The following SFT2D1 variants were observed in gnomAD, a reference collection of about 807,000 sequenced individuals.
SFT2D1 encodes vesicle transport protein SFT2A.
Under a neutral mutation model 28.1 loss-of-function variants are expected in SFT2D1, and 24 were observed. The observed-to-expected ratio is 0.85, with a 90% confidence interval of 0.62 to 1.20. SFT2D1 has a LOEUF of 1.20. Ranked by LOEUF, SFT2D1 falls within the 50% of genes most tolerant of loss-of-function variation. SFT2D1 has a pLI of 0.00. For synonymous variants in SFT2D1, 82 were observed against 73.7 expected, an observed-to-expected ratio of 1.11 and a Z score of -0.58; for missense variants, 181 against 190.9, an observed-to-expected ratio of 0.95 and a Z score of 0.31.
intron 1 of SFT2D1, 128 bp downstream of exon 1, chr6:166,342,291 A>ATTT: frequency 1.3e-6 from 1 of 783,432 alleles, no homozygotes; most frequent in South Asian, 2.1e-5. Context: ...AGCCCTCCTA[A>ATTT]ATCAACCAGC....
intron 6 of SFT2D1, chr6:166,323,669 A>C (rs1778395305): frequency 6.6e-6 from 1 of 152,288 alleles, no homozygotes; most frequent in Admixed American, 6.5e-5. Context: ...CCAGGACATG[A>C]CTGAATCTTC....
At chr6:166,330,370 T>C in intron 1 of SFT2D1, 123 bp from the exon 2 acceptor site, 1 of 666,732 alleles carries the variant, frequency 1.5e-6, no homozygotes. Context: ...TATCACAGTG[T>C]CATTCAAGAA....
At position 166,322,830 on chromosome 6, in the gene SFT2D1, A is replaced by C. The variant is rs376237247; in HGVS notation, c.440+27T>G. 1.1e-4 allele frequency: 170 copies of C among 1,593,380 alleles called. 2 individuals carry two copies. The African/African-American group carries it at 2.0e-3, about 19-fold the overall frequency. On this transcript the variant is annotated intron_variant, in intron 7 of 7. Coordinates refer to ENST00000361731, the MANE Select transcript of SFT2D1 (RefSeq NM_145169.3). ...GTGTGAAGATAAGTAAAGAACCAGAAAGAAGACAAGATTCAAACAAGCTTA... is the reference window on the plus strand; with the variant it reads ...GTGTGAAGATAAGTAAAGAACCAGACAGAAGACAAGATTCAAACAAGCTTA...
At chr6:166,321,265 G>C (rs138840473) in intron 7 of SFT2D1, among the ~76,000 whole-genome samples, 1 of 152,038 alleles carries the variant, frequency 6.6e-6, no homozygotes, top group South Asian at 2.1e-4. Flanking sequence ...TTTTACCTAG[G>C]CCATAAAAAA....
intron 1 of SFT2D1, among the ~76,000 whole-genome samples, chr6:166,332,372 A>C (rs1299708777): frequency 1.3e-5 from 2 of 152,120 alleles, no homozygotes; most frequent in Non-Finnish European, 2.9e-5. Context: ...CTCCTACCTC[A>C]GTCTCCCAAT....
At chr6:166,330,048 C>T in intron 2 of SFT2D1, 113 bp downstream of exon 2, 2 of 705,800 alleles carry the variant, frequency 2.8e-6, no homozygotes, top group Non-Finnish European at 2.2e-6. Context: ...AAATACCTTC[C>T]ACCAAAATGG....
At chr6:166,326,840 A>T (rs930924276) in intron 4 of SFT2D1, among the ~76,000 whole-genome samples, 2 of 152,232 alleles carry the variant, frequency 1.3e-5, no homozygotes, top group Admixed American at 1.3e-4. Context: ...GTTACTAAAA[A>T]GTTTGAGGGG....
chr6:166,338,837 C>A (rs1778714884), intron 1 of SFT2D1, among the ~76,000 whole-genome samples: 1 of 152,156 alleles, frequency 6.6e-6, no homozygotes, highest in Non-Finnish European at 1.5e-5. Context: ...TCCTTGACTT[C>A]TTCCCAGGCA....
At chr6:166,338,502 C>T (rs560935657) in intron 1 of SFT2D1, among the ~76,000 whole-genome samples, 5 of 152,090 alleles carry the variant, frequency 3.3e-5, no homozygotes, top group Non-Finnish European at 7.4e-5. Flanking sequence ...CAGGAAGAGC[C>T]TCTCTAAAGA....
rs1199995394 is a variant in SFT2D1, at chr6:166,324,564, C to T, written c.383G>A (p.Cys128Tyr). Reference protein sequence around the residue: ...WHKKGLAVLFCILQFLSMTWY... With the variant: ...WHKKGLAVLFYILQFLSMTWY... ...GGTCATTGACAAGAACTGCAATATG[C>T]AGAATAACACAGCCAGTCCCTTCTT... Residue 128 changes from cysteine (C) to tyrosine (Y), a missense_variant, in exon 6 of 8, where the codon TGC (cysteine) becomes TAC (tyrosine). Physicochemically the swap from Cys to Tyr is radical, Grantham distance 194. Coordinates refer to ENST00000361731, the MANE Select transcript of SFT2D1 (RefSeq NM_145169.3). 1 of 1,612,740 alleles carries T rather than the reference C, an allele frequency of 6.2e-7. No homozygotes were observed. The highest frequency in any genetic ancestry group is 1.7e-5 in the Admixed American group (1 of 59,328).
intron 6 of SFT2D1, 77 bp downstream of exon 6, chr6:166,324,460 G>T: frequency 2.1e-6 from 3 of 1,407,948 alleles, no homozygotes; most frequent in South Asian, 2.5e-5. Context: ...AAATGCTAGG[G>T]CTTCACAGGT....
intron 5 of SFT2D1, among the ~76,000 whole-genome samples, chr6:166,325,688 G>A (rs1258418560): frequency 1.3e-5 from 2 of 152,250 alleles, no homozygotes; most frequent in Non-Finnish European, 2.9e-5. Context: ...ACCACACCGG[G>A]CACTGTCAGA....
intron 1 of SFT2D1, 38 bp downstream of exon 1, chr6:166,342,381 G>A (rs1202738182): frequency 2.4e-5 from 36 of 1,530,988 alleles, no homozygotes; most frequent in Non-Finnish European, 3.2e-5. Context: ...GGGGCCAGCG[G>A]GCAGCCCCGG....
intron 6 of SFT2D1, chr6:166,323,341 G>A (rs894099617): frequency 6.5e-6 from 1 of 153,358 alleles, no homozygotes; most frequent in African/African-American, 2.4e-5. Context: ...ATTTTATGGT[G>A]AATTTGAGAT....
chr6:166,332,869 G>A (rs1266053458), intron 1 of SFT2D1, among the ~76,000 whole-genome samples: 1 of 152,216 alleles, frequency 6.6e-6, no homozygotes, highest in Non-Finnish European at 1.5e-5. Flanking sequence ...AGAGGAAAAT[G>A]TAGTCCTAGC....
intron 7 of SFT2D1, among the ~76,000 whole-genome samples, chr6:166,322,130 A>G (rs564356132): frequency 5.3e-5 from 8 of 152,150 alleles, no homozygotes; most frequent in African/African-American, 1.7e-4. Context: ...TGATCTGCCC[A>G]CCTTGGCCTC....
chr6:166,338,503 T>C (rs1422542855), intron 1 of SFT2D1, among the ~76,000 whole-genome samples: 1 of 152,074 alleles, frequency 6.6e-6, no homozygotes, highest in East Asian at 1.9e-4. Context: ...AGGAAGAGCC[T>C]CTCTAAAGAG....
chr6:166,325,851 T>C lies in SFT2D1; in HGVS notation c.351+281A>G, dbSNP rs1778435358. On this transcript the variant is annotated intron_variant, in intron 5 of 7. Transcript: ENST00000361731. ...CATGTGTGTTTACTGACTACCTCTA[T>C]GCTGCAGACAGTAGAATCTATGGCA... The C allele has an allele frequency of 5.9e-6, 3 of 511,432 alleles. No homozygotes were observed. The East Asian group carries it at 1.0e-4, about 18-fold the overall frequency. 31.7% of individuals were successfully genotyped at this position (511,432 alleles called of 1,614,324 possible).
At chr6:166,332,008 G>C (rs976993770) in intron 1 of SFT2D1, among the ~76,000 whole-genome samples, 2 of 152,090 alleles carry the variant, frequency 1.3e-5, no homozygotes, top group African/African-American at 4.8e-5. Flanking sequence ...ATAATAGTAG[G>C]TATTTTTTCC....
Sources: allele counts gnomAD v4.1 joint callset (sites outside exome capture counted in the v4.1 genomes callset), GRCh38; gene constraint gnomAD v4.1.1; transcripts MANE v1.5; gene names NCBI Gene and HGNC (gene_info 2026-07-23, HGNC 2026-07-21).